SPATA16: variants seen among roughly 807,000 people sequenced by gnomAD.
SPATA16 encodes the protein spermatogenesis-associated protein 16.
SPATA16 carries 36 observed loss-of-function variants against 63.3 expected under a neutral mutation model. The ratio of observed to expected loss-of-function variants is 0.57; its 90% CI spans 0.44 to 0.75. The LOEUF (loss-of-function observed/expected upper bound fraction) is 0.75, where lower values mean the gene tolerates loss of function less well. Ranked by LOEUF, SPATA16 falls within the 30% of genes least tolerant of loss-of-function variation. The pLI is 0.00. For missense variants in SPATA16, 646 were observed against 679.3 expected (o/e 0.95, Z 0.54); for synonymous variants, 203 against 216.7 (o/e 0.94, Z 0.56).
At chr3:173,118,178 T>G (rs1377035430) in intron 1 of SPATA16, among the ~76,000 whole-genome samples, 1 of 152,206 alleles carries the variant, frequency 6.6e-6, no homozygotes, top group African/African-American at 2.4e-5. Context: ...AATAATAGAC[T>G]TGGGAGTCTA....
chr3:173,118,808 A>AACATG (rs934988059), intron 1 of SPATA16, among the ~76,000 whole-genome samples: 1 of 152,204 alleles, frequency 6.6e-6, no homozygotes, highest in Non-Finnish European at 1.5e-5. Context: ...CTTCCTCTAT[A>AACATG]ACATGAGGTT....
At chr3:172,894,491 CA>C (rs34213880) in intron 10 of SPATA16, among the ~76,000 whole-genome samples, 34,938 of 143,336 alleles carry the variant, frequency 0.24, 4,272 homozygotes, top group African/African-American at 0.32. Context: ...ACAAAACATG[CA>C]AAAAAAAAAA....
chr3:173,063,586 C>T (rs1417857481), intron 2 of SPATA16, among the ~76,000 whole-genome samples: 4 of 152,106 alleles, frequency 2.6e-5, no homozygotes. Context: ...TATTCTTTTG[C>T]TGAACAGTAG....
chr3:173,112,700 A>G (rs1288444273), intron 2 of SPATA16, among the ~76,000 whole-genome samples: 1 of 152,246 alleles, frequency 6.6e-6, no homozygotes, highest in Non-Finnish European at 1.5e-5. Flanking sequence ...TTAACTTCAC[A>G]CACCAGCGAC....
At chr3:172,918,519 A>T (rs1031711212) in intron 8 of SPATA16, among the ~76,000 whole-genome samples, 4 of 152,098 alleles carry the variant, frequency 2.6e-5, no homozygotes, top group African/African-American at 9.7e-5. Context: ...GTTATCAGGA[A>T]ACTGTAGATT....
intron 1 of SPATA16, among the ~76,000 whole-genome samples, 166 bp from the exon 2 acceptor site, chr3:173,117,915 T>C (rs1423977615): frequency 6.6e-6 from 1 of 152,128 alleles, no homozygotes; most frequent in African/African-American, 2.4e-5. Context: ...AATAGAGGAG[T>C]GTATGTGTCA....
At chr3:172,890,635 G>A (rs1731875353) in intron 10 of SPATA16, among the ~76,000 whole-genome samples, 2 of 151,920 alleles carry the variant, frequency 1.3e-5, no homozygotes, top group South Asian at 4.2e-4. Context: ...TTATCATTCA[G>A]AGTAATATCC....
At chr3:172,976,080 C>A (rs1199753082) in intron 5 of SPATA16, among the ~76,000 whole-genome samples, 5 of 152,066 alleles carry the variant, frequency 3.3e-5, no homozygotes, top group Admixed American at 3.3e-4. Flanking sequence ...AAAAGCTCCA[C>A]ACAGTCTGGA....
intron 1 of SPATA16, among the ~76,000 whole-genome samples, chr3:173,125,046 A>G (rs1738191207): frequency 6.6e-6 from 1 of 152,172 alleles, no homozygotes; most frequent in Admixed American, 6.5e-5. Context: ...TATCTAATAC[A>G]TCTTAACAAT....
At chr3:172,950,734 A>G (rs1211822129) in intron 6 of SPATA16, among the ~76,000 whole-genome samples, 1 of 152,192 alleles carries the variant, frequency 6.6e-6, no homozygotes, top group East Asian at 1.9e-4. Context: ...TTAAAGGTCT[A>G]ATTTAAAACA....
intron 2 of SPATA16, among the ~76,000 whole-genome samples, chr3:173,088,286 T>C (rs1173879339): frequency 6.6e-6 from 1 of 151,970 alleles, no homozygotes; most frequent in East Asian, 1.9e-4. Flanking sequence ...GGTTTCACCA[T>C]GTTGGCCAGG....
chr3:173,019,921 GA>G (rs1281149490), intron 3 of SPATA16, among the ~76,000 whole-genome samples: 1 of 151,606 alleles, frequency 6.6e-6, no homozygotes, highest in Non-Finnish European at 1.5e-5. Context: ...ATAAATCAGG[GA>G]AAAAGCAGGT....
chr3:173,138,035 T>A (rs1021678321), intron 1 of SPATA16, among the ~76,000 whole-genome samples: 1 of 152,148 alleles, frequency 6.6e-6, no homozygotes, highest in Non-Finnish European at 1.5e-5. Flanking sequence ...TTTTGCTCCT[T>A]ACATCTTCAA....
At chr3:172,947,770 G>A (rs1733327859) in intron 6 of SPATA16, among the ~76,000 whole-genome samples, 1 of 152,082 alleles carries the variant, frequency 6.6e-6, no homozygotes, top group Admixed American at 6.5e-5. Flanking sequence ...ACTCACCGGG[G>A]CCTGTCGGGG....
chr3:172,901,595 G>A (rs61212356), intron 10 of SPATA16, among the ~76,000 whole-genome samples: 14,310 of 152,248 alleles, frequency 0.094, 749 homozygotes, highest in African/African-American at 0.13. Flanking sequence ...GGTTTTTGGT[G>A]TGATGAGTGA....
chr3:172,912,753 C>T (rs148898425), intron 10 of SPATA16, among the ~76,000 whole-genome samples: 2,937 of 152,136 alleles, frequency 0.019, 30 homozygotes, highest in Middle Eastern at 0.058. Context: ...CTTTATGTTA[C>T]CATAAGGCTT....
Position 173,049,077 on chromosome 3 carries a change from T to C in SPATA16, c.630A>G (p.Ala210=), listed in dbSNP as rs544990146. 6.2e-7 allele frequency: 1 copy of C among 1,613,466 alleles called. No homozygotes were observed. Among genetic ancestry groups the C allele is most frequent in the African/African-American group, 1.3e-5 (1 of 75,042 alleles). ...GTGCATCAAATGGTTCTCCCAGAAC[T>C]GCTCCTTTGCTGCAAAGCTTTAAAA... ...RTALELCSKG[A]VLGEPFDAPA... Residue 210 remains alanine, a synonymous_variant, in exon 3 of 11, where the codon GCA becomes GCG. Transcript: ENST00000351008.
chr3:172,957,797 T>A (rs1033922795), intron 5 of SPATA16, among the ~76,000 whole-genome samples: 6 of 152,210 alleles, frequency 3.9e-5, no homozygotes, highest in African/African-American at 7.2e-5. Context: ...CCTCACAGTA[T>A]TTTGAAAACA....
chr3:173,134,746 A>C (rs1199360100), intron 1 of SPATA16, among the ~76,000 whole-genome samples: 1 of 152,232 alleles, frequency 6.6e-6, no homozygotes, highest in Non-Finnish European at 1.5e-5. Flanking sequence ...AGAATAAGTC[A>C]AAAACTAGAA....
Sources: gnomAD v4.1 joint callset for allele counts (sites outside exome capture counted in the v4.1 genomes callset) on GRCh38, gnomAD v4.1.1 for gene constraint, MANE v1.5 for transcripts, NCBI Gene and HGNC (gene_info 2026-07-23, HGNC 2026-07-21) for gene names.